FAM13A: variants seen among roughly 807,000 people sequenced by gnomAD.
FAM13A encodes protein FAM13A.
A neutral mutation model predicts 129.6 loss-of-function variants in FAM13A; 76 were observed. The ratio of observed to expected loss-of-function variants is 0.59; its 90% confidence interval spans 0.49 to 0.71. The LOEUF (loss-of-function observed/expected upper bound fraction) is 0.71, where lower values mean the gene tolerates loss of function less well. Among genes scored for constraint, FAM13A ranks in the 30% least tolerant of loss-of-function variants. The pLI is 0.00. For synonymous variants in FAM13A, 443 were observed against 449.9 expected (o/e 0.98, Z 0.20); for missense variants, 1,108 against 1,249.3 (o/e 0.89, Z 1.70).
At chr4:89,028,188 A>C (rs1768222024) in intron 2 of FAM13A, among the ~76,000 whole-genome samples, 1 of 150,896 alleles carries the variant, frequency 6.6e-6, no homozygotes, top group Non-Finnish European at 1.5e-5. Flanking sequence ...CCTGGGCTAC[A>C]AAAGCTAACC....
intron 4 of FAM13A, among the ~76,000 whole-genome samples, chr4:88,956,538 T>G: frequency 6.6e-6 from 1 of 152,166 alleles, no homozygotes; most frequent in East Asian, 1.9e-4. Context: ...ACCAAAGAAC[T>G]TAAGGAATTT....
intron 6 of FAM13A, among the ~76,000 whole-genome samples, chr4:88,876,063 T>C: frequency 6.6e-6 from 1 of 152,138 alleles, no homozygotes; most frequent in East Asian, 1.9e-4. Flanking sequence ...ACACCGCATG[T>C]TCTCACTCAT....
chr4:88,931,334 A>G (rs1035932877), intron 5 of FAM13A, among the ~76,000 whole-genome samples: 1 of 152,090 alleles, frequency 6.6e-6, no homozygotes, highest in South Asian at 2.1e-4. Context: ...TGTCAGGGTA[A>G]AGGCCCTAGT....
chr4:88,735,211 T>A (rs1473414005), intron 21 of FAM13A, among the ~76,000 whole-genome samples: 1 of 152,200 alleles, frequency 6.6e-6, no homozygotes, highest in Non-Finnish European at 1.5e-5. Context: ...AGGGCAAAAC[T>A]AAGCCTATGG....
At chr4:89,019,162 T>A (rs1766910202) in intron 3 of FAM13A, among the ~76,000 whole-genome samples, 1 of 152,140 alleles carries the variant, frequency 6.6e-6, no homozygotes, top group Admixed American at 6.5e-5. Context: ...TTAGCTAATA[T>A]TTCAAAATGG....
intron 3 of FAM13A, among the ~76,000 whole-genome samples, chr4:88,995,998 G>T (rs1320108781): frequency 6.6e-6 from 1 of 152,194 alleles, no homozygotes; most frequent in Admixed American, 6.5e-5. Flanking sequence ...GGTCAGGGAG[G>T]CCCCTCTGAT....
chr4:88,814,178 A>G (rs922318367), intron 7 of FAM13A, among the ~76,000 whole-genome samples: 17 of 152,186 alleles, frequency 1.1e-4, no homozygotes, highest in African/African-American at 3.9e-4. Flanking sequence ...AGAAAGGTTA[A>G]TTAACAGGCT....
At chr4:88,847,922 C>A (rs896303748) in intron 7 of FAM13A, among the ~76,000 whole-genome samples, 2 of 151,284 alleles carry the variant, frequency 1.3e-5, no homozygotes, top group African/African-American at 4.9e-5. Context: ...CACTGCACTC[C>A]AGCCTGGGCA....
chr4:88,728,552 G>A lies in FAM13A; in HGVS notation c.3053C>T (p.Thr1018Ile). 1 of 1,614,178 alleles carries A rather than the reference G, an allele frequency of 6.2e-7. No homozygotes were observed. The change falls in exon 24 of 24, where the codon ACT becomes ATT. Residue 1018 changes from threonine to isoleucine, a missense_variant. By Grantham distance (89) the Thr-to-Ile change is moderately conservative. Around this residue, in one of 3 missense-constraint regions of FAM13A, gnomAD observed 529 missense variants for 621.2 expected, o/e 0.85. Coordinates refer to ENST00000264344, the MANE Select transcript of FAM13A (RefSeq NM_014883.4). ...TGCCCCTCACATGGACTTGGAATCA[G>A]TGTCTCTCTTGCTGATGAGCACCTC... The part of the protein sequence containing the change: ...LLEVLISKRD[T>I]DSKSM
chr4:88,914,670 A>G (rs961307130), intron 5 of FAM13A, among the ~76,000 whole-genome samples: 4 of 152,234 alleles, frequency 2.6e-5, no homozygotes, highest in Non-Finnish European at 5.9e-5. Context: ...AACAGGCTTC[A>G]TCTTCAACCA....
At chr4:88,775,825 A>C (rs1224924049) in intron 11 of FAM13A, among the ~76,000 whole-genome samples, 2 of 152,220 alleles carry the variant, frequency 1.3e-5, no homozygotes, top group African/African-American at 4.8e-5. Context: ...TACTGTGTTC[A>C]GTTTTACCTA....
chr4:88,735,952 T>A (rs533478735), intron 21 of FAM13A, among the ~76,000 whole-genome samples: 1 of 152,258 alleles, frequency 6.6e-6, no homozygotes, highest in South Asian at 2.1e-4. Flanking sequence ...GAAACCCTTA[T>A]TAAGTGTCTA....
rs758375590 is a variant in FAM13A at position 88,770,301 on chromosome 4, AT to A, written c.1459-2243del. Reference sequence around the variant, plus strand: ...AAGAGGGTTGTATCTATGACAAAGAATCTTTGTTCCCATTGGTAATCTTCAA... The same window carrying A: ...AAGAGGGTTGTATCTATGACAAAGAACTTTGTTCCCATTGGTAATCTTCAA... On this transcript the variant is annotated intron_variant, in intron 11 of 23. Coordinates refer to ENST00000264344, the MANE Select transcript of FAM13A (RefSeq NM_014883.4). Among the ~76,000 whole-genome samples, 5 of 152,348 alleles carry A rather than the reference AT, an allele frequency of 3.3e-5. No individual in the cohort carries two copies. The East Asian group carries it at 9.6e-4, about 29-fold the overall frequency.
chr4:89,006,289 C>T (rs981558175), intron 3 of FAM13A, among the ~76,000 whole-genome samples: 2 of 152,212 alleles, frequency 1.3e-5, no homozygotes, highest in South Asian at 2.1e-4. Flanking sequence ...GCAACTCTTA[C>T]AGGCTGCAAC....
At chr4:88,855,717 A>C (rs1166082264) in intron 6 of FAM13A, 1 of 152,196 alleles carries the variant, frequency 6.6e-6, no homozygotes, top group African/African-American at 2.4e-5. Context: ...CAAAAAAAAA[A>C]AAAATATGTG....
chr4:88,786,176 G>A (rs1227042329), intron 10 of FAM13A, among the ~76,000 whole-genome samples: 2 of 152,002 alleles, frequency 1.3e-5, no homozygotes, highest in African/African-American at 4.8e-5. Context: ...TACCTCCACT[G>A]TCCTCCCCCA....
chr4:88,937,194 T>C (rs1280341621), intron 5 of FAM13A: 1 of 152,204 alleles, frequency 6.6e-6, no homozygotes, highest in East Asian at 1.9e-4. Flanking sequence ...ACTCAAACCA[T>C]TTTAACCTTT....
intron 2 of FAM13A, among the ~76,000 whole-genome samples, chr4:89,025,515 C>T (rs928597605): frequency 2.0e-5 from 3 of 151,750 alleles, no homozygotes; most frequent in Non-Finnish European, 2.9e-5. Context: ...CCACCCGCCT[C>T]GGCCTCCCAA....
At chr4:88,984,162 T>C (rs1579622420) in intron 4 of FAM13A, among the ~76,000 whole-genome samples, 1 of 152,152 alleles carries the variant, frequency 6.6e-6, no homozygotes, top group Non-Finnish European at 1.5e-5. Flanking sequence ...AATAGCTCCA[T>C]AGACCTAAAC....
Sources: gnomAD v4.1 joint callset for allele counts (sites outside exome capture counted in the v4.1 genomes callset) on GRCh38, gnomAD v4.1.1 for gene constraint, gnomAD v4.1.1 regional missense constraint, MANE v1.5 for transcripts, NCBI Gene and HGNC (gene_info 2026-07-23, HGNC 2026-07-21) for gene names.